GRIK1: variants seen among roughly 807,000 people sequenced by gnomAD.
GRIK1 encodes the protein glutamate receptor ionotropic, kainate 1.
GRIK1 carries 69 observed loss-of-function variants against 105.7 expected under a neutral mutation model. The observed-to-expected ratio is 0.65, with a 90% CI of 0.54 to 0.80. GRIK1 has a LOEUF of 0.80. Ranked by LOEUF, GRIK1 falls within the 30% of genes least tolerant of loss-of-function variation. GRIK1 has a pLI of 0.00. For synonymous variants in GRIK1, 438 were observed against 431.3 expected, an observed-to-expected ratio of 1.02 and a Z score of -0.19; for missense variants, 1,109 against 1,167.3, an observed-to-expected ratio of 0.95 and a Z score of 0.73.
chr21:29,615,794 G>A (rs1470234944), intron 7 of GRIK1, among the ~76,000 whole-genome samples: 1 of 152,102 alleles, frequency 6.6e-6, no homozygotes, highest in African/African-American at 2.4e-5. Context: ...CAACGTCAAA[G>A]GCTTTTGCGG....
chr21:29,918,771 A>G (rs2071092038), intron 1 of GRIK1, among the ~76,000 whole-genome samples: 1 of 152,062 alleles, frequency 6.6e-6, no homozygotes, highest in South Asian at 2.1e-4. Context: ...GATTGTGGAA[A>G]ATACCTGATA....
chr21:29,597,228 C>G (rs2061432145), intron 8 of GRIK1, among the ~76,000 whole-genome samples: 1 of 152,096 alleles, frequency 6.6e-6, no homozygotes, highest in Non-Finnish European at 1.5e-5. Context: ...GCCCAAGACA[C>G]CTGAAGAAAG....
intron 16 of GRIK1, among the ~76,000 whole-genome samples, chr21:29,549,872 C>T (rs1377223560): frequency 6.6e-6 from 1 of 151,498 alleles, no homozygotes; most frequent in Non-Finnish European, 1.5e-5. Flanking sequence ...TTTGGGGGGC[C>T]GAGGCGGGTG....
At chr21:29,645,880 C>A (rs924176279) in intron 6 of GRIK1, among the ~76,000 whole-genome samples, 2 of 152,146 alleles carry the variant, frequency 1.3e-5, no homozygotes, top group African/African-American at 2.4e-5. Context: ...ACAATCTGAA[C>A]CATGAAATAA....
intron 1 of GRIK1, among the ~76,000 whole-genome samples, chr21:29,875,734 G>A (rs2069169292): frequency 6.6e-6 from 1 of 152,082 alleles, no homozygotes; most frequent in Admixed American, 6.5e-5. Context: ...TAATTATGAT[G>A]TACTCTTTGC....
chr21:29,647,050 T>C (rs1245884654), intron 6 of GRIK1, among the ~76,000 whole-genome samples: 1 of 152,162 alleles, frequency 6.6e-6, no homozygotes, highest in Non-Finnish European at 1.5e-5. Flanking sequence ...TTCACCATGT[T>C]GGCCAGGCTG....
At chr21:29,558,809 T>G (rs1321423778) in intron 15 of GRIK1, among the ~76,000 whole-genome samples, 1 of 152,036 alleles carries the variant, frequency 6.6e-6, no homozygotes, top group Non-Finnish European at 1.5e-5. Context: ...ATTTTCAAAG[T>G]GCTGCATTCA....
chr21:29,637,941 G>C (rs1280284994), intron 7 of GRIK1, among the ~76,000 whole-genome samples: 1 of 151,922 alleles, frequency 6.6e-6, no homozygotes, highest in African/African-American at 2.4e-5. Flanking sequence ...TGGAACTTTC[G>C]GTTTTCCACC....
chr21:29,580,077 G>GTA (rs1283322578), intron 13 of GRIK1, among the ~76,000 whole-genome samples: 5 of 141,608 alleles, frequency 3.5e-5, no homozygotes, highest in African/African-American at 7.8e-5. Context: ...GTATATATAT[G>GTA]TATATGTGTG....
intron 7 of GRIK1, among the ~76,000 whole-genome samples, chr21:29,608,154 A>T (rs1270936132): frequency 6.6e-6 from 1 of 152,120 alleles, no homozygotes; most frequent in Non-Finnish European, 1.5e-5. Context: ...TGTAACTTAG[A>T]GTCATGTTAA....
At chr21:29,890,333 T>A (rs1392277505) in intron 1 of GRIK1, among the ~76,000 whole-genome samples, 1 of 152,174 alleles carries the variant, frequency 6.6e-6, no homozygotes, top group Middle Eastern at 3.2e-3. Context: ...TTTCACTTAC[T>A]TTGAATTTTC....
At chr21:29,693,078 T>C (rs1375490386) in intron 2 of GRIK1, among the ~76,000 whole-genome samples, 1 of 152,178 alleles carries the variant, frequency 6.6e-6, no homozygotes. Context: ...TTTGTGTGTA[T>C]TTAGTAGGCA....
intron 1 of GRIK1, among the ~76,000 whole-genome samples, chr21:29,752,211 T>G (rs2065223886): frequency 6.6e-6 from 1 of 152,164 alleles, no homozygotes; most frequent in African/African-American, 2.4e-5. Flanking sequence ...GTAACTTCCA[T>G]GAGATAAGGT....
intron 1 of GRIK1, among the ~76,000 whole-genome samples, chr21:29,900,127 A>G (rs1267618011): frequency 1.3e-5 from 2 of 151,684 alleles, no homozygotes; most frequent in Admixed American, 6.6e-5. Flanking sequence ...GAGCTCCTGA[A>G]GGAAGCACTA....
chr21:29,561,748 G>A lies in GRIK1; in HGVS notation c.2232C>T (p.Leu744=). ...CCATCAGCAGCGCGTAGTCTGTGGT[G>A]AGCACTCTCTGGATCCCCTCATCAC... ...RNSDEGIQRV[L]TTDYALLMES... Residue 744 remains leucine (L), a synonymous_variant, in exon 15 of 18, where the codon CTC becomes CTT. Transcript: ENST00000327783. 6.2e-7 allele frequency: 1 copy of A among 1,613,796 alleles called. No individual in the cohort carries two copies. Among genetic ancestry groups the A allele is most frequent in the African/African-American group, 1.3e-5 (1 of 75,040 alleles).
At chr21:29,644,235 C>T (rs929270719) in intron 6 of GRIK1, among the ~76,000 whole-genome samples, 8 of 152,084 alleles carry the variant, frequency 5.3e-5, no homozygotes, top group African/African-American at 1.4e-4. Flanking sequence ...TACTTTGAAT[C>T]ATTATTATTC....
intron 7 of GRIK1, among the ~76,000 whole-genome samples, chr21:29,620,118 G>A (rs2061952495): frequency 6.6e-6 from 1 of 152,152 alleles, no homozygotes; most frequent in South Asian, 2.1e-4. Context: ...CTAGTATAAA[G>A]CCTATGATGT....
Position 29,729,977 on chromosome 21 carries a change from C to A in GRIK1, c.119-35914G>T, listed in dbSNP as rs1245954195. Among the ~76,000 whole-genome samples the A allele has an allele frequency of 3.3e-5, 5 of 152,246 alleles. No homozygotes were observed. In the East Asian group the frequency reaches 5.8e-4, roughly 18 times the overall value. On this transcript the variant is annotated intron_variant, in intron 1 of 17. Coordinates refer to ENST00000327783, the MANE Select transcript of GRIK1 (RefSeq NM_001330994.2). ...CTGGATTGAAAGAAGAAAGCAAATGCCAAGATGCATGACTTCGACACTATT... is the reference window on the plus strand; with the variant it reads ...CTGGATTGAAAGAAGAAAGCAAATGACAAGATGCATGACTTCGACACTATT...
At chr21:29,709,487 G>A (rs1157524487) in intron 1 of GRIK1, among the ~76,000 whole-genome samples, 2 of 151,818 alleles carry the variant, frequency 1.3e-5, no homozygotes, top group African/African-American at 4.8e-5. Context: ...CACCATGTTG[G>A]CCAGGCTGGT....
Sources: gnomAD v4.1 joint callset for allele counts (sites outside exome capture counted in the v4.1 genomes callset) on GRCh38, gnomAD v4.1.1 for gene constraint, MANE v1.5 for transcripts, NCBI Gene and HGNC (gene_info 2026-07-23, HGNC 2026-07-21) for gene names.